The following PHF12 variants were observed in gnomAD, a reference collection of about 807,000 sequenced individuals.
PHF12 encodes the protein PHD finger protein 12.
PHF12 carries 6 observed loss-of-function variants against 99.8 expected under a neutral mutation model. The observed-to-expected ratio is 0.06, with a 90% CI of 0.03 to 0.12. The LOEUF is 0.12. Ranked by LOEUF, PHF12 falls within the 10% of genes least tolerant of loss-of-function variation. PHF12 has a pLI of 1.00. For missense variants in PHF12, 954 were observed against 1,300.1 expected, an observed-to-expected ratio of 0.73 and a Z score of 4.09; for synonymous variants, 480 against 514.9, an observed-to-expected ratio of 0.93 and a Z score of 0.92.
chr17:28,934,550 T>G (rs1237114879), intron 2 of PHF12, among the ~76,000 whole-genome samples: 4 of 152,134 alleles, frequency 2.6e-5, no homozygotes, highest in Non-Finnish European at 5.9e-5. Flanking sequence ...AATGAATGTT[T>G]AAGTCTGTCT....
rs1417958651 is a variant in PHF12 at position 28,949,996 on chromosome 17, G to A, written c.248+69C>T. On this transcript the variant is annotated intron_variant, in intron 2 of 14. Transcript: ENST00000332830. This position sits in a 1 kb window ranked among gnomAD's most constrained non-coding sequence, Gnocchi z 4.6. Reference sequence around the variant, plus strand: ...GCGCCCGTTATTTCGGCAGTCAGGGGCAGGCCGGGTGAAGGAATGCGCAGA... The same window carrying A: ...GCGCCCGTTATTTCGGCAGTCAGGGACAGGCCGGGTGAAGGAATGCGCAGA... 4 of 1,455,154 alleles carry A rather than the reference G, an allele frequency of 2.7e-6. No individual in the cohort carries two copies. The highest frequency in any genetic ancestry group is 2.3e-5 in the Admixed American group (1 of 43,036). 90.1% of individuals were successfully genotyped at this position (1,455,154 alleles called of 1,614,324 possible). A position where few individuals can be genotyped will look rare whatever the true frequency, so the allele number is the denominator to read the frequency against.
intron 4 of PHF12, among the ~76,000 whole-genome samples, chr17:28,923,046 CA>C (rs571734249): frequency 0.02 from 2,624 of 129,232 alleles, 60 homozygotes; most frequent in African/African-American, 0.069. Flanking sequence ...GCCTCTGTCT[CA>C]AAAAAAAAAA....
At chr17:28,933,786 A>T (rs953066932) in intron 2 of PHF12, among the ~76,000 whole-genome samples, 12 of 152,128 alleles carry the variant, frequency 7.9e-5, no homozygotes, top group African/African-American at 2.7e-4. Context: ...TGTAGCTCAT[A>T]TCTGTAATCC....
chr17:28,919,691 A>C (rs940260317), intron 5 of PHF12, among the ~76,000 whole-genome samples: 3 of 152,216 alleles, frequency 2.0e-5, no homozygotes, highest in African/African-American at 7.2e-5. Context: ...CAGTGAGCCA[A>C]GATGGCGCCA....
chr17:28,921,050 G>A (rs187118224), intron 5 of PHF12, among the ~76,000 whole-genome samples: 3 of 150,660 alleles, frequency 2.0e-5, no homozygotes, highest in Admixed American at 2.0e-4. Context: ...ATTTTTTTTT[G>A]TTTGTTTGAA....
chr17:28,907,462 A>G, intron 13 of PHF12, 128 bp downstream of exon 13: 1 of 842,316 alleles, frequency 1.2e-6, no homozygotes. Flanking sequence ...CAGGAATGAC[A>G]GGGAGGGAAG....
intron 9 of PHF12, 132 bp downstream of exon 9, chr17:28,912,350 G>A (rs2039974529): frequency 1.4e-6 from 2 of 1,410,248 alleles, no homozygotes; most frequent in Non-Finnish European, 1.8e-6. Context: ...TTACGGAAAT[G>A]AGAGTAAGAC....
At chr17:28,907,729 T>C (rs2039893992) in intron 12 of PHF12, 57 bp from the exon 13 acceptor site, 1 of 1,540,916 alleles carries the variant, frequency 6.5e-7, no homozygotes, top group South Asian at 1.1e-5. Flanking sequence ...GTAAGGTGCA[T>C]GTGTCGGGGA....
In PHF12 at chr17:28,951,087, C is replaced by G. The variant is rs2040803330; in HGVS notation, c.-127G>C. ...TTTTCCCAATACGGGTCCCGACTTC[C>G]TCGCCCTGGCTCCCCCCCACCCCCC... On this transcript the variant is annotated 5_prime_UTR_variant, in exon 1 of 15. Coordinates refer to ENST00000332830, the MANE Select transcript of PHF12 (RefSeq NM_001033561.2). 1.4e-6 allele frequency: 2 copies of G among 1,480,308 alleles called. No homozygotes were observed. The highest frequency in any genetic ancestry group is 1.4e-5 in the African/African-American group (1 of 71,572). 91.7% of individuals were successfully genotyped at this position (1,480,308 alleles called of 1,614,324 possible).
At chr17:28,929,029 G>A (rs892982256) in intron 2 of PHF12, among the ~76,000 whole-genome samples, 6 of 151,672 alleles carry the variant, frequency 4.0e-5, no homozygotes, top group African/African-American at 1.5e-4. Context: ...CTGGGAAGTG[G>A]AGGTTGCAGT....
At chr17:28,924,979 A>C (rs1324264620) in intron 3 of PHF12, 1 of 153,240 alleles carries the variant, frequency 6.5e-6, no homozygotes, top group African/African-American at 2.4e-5. Context: ...AATCAGTGAG[A>C]TCACTATAGA....
chr17:28,910,313 T>G lies in PHF12; in HGVS notation c.2272A>C (p.Ile758Leu), dbSNP rs1246368462. 6 of 1,614,182 alleles carry G rather than the reference T, an allele frequency of 3.7e-6. No individual in the cohort carries two copies. Among genetic ancestry groups the G allele is most frequent in the Non-Finnish European group, 5.1e-6 (6 of 1,180,034 alleles). Residue 758 changes from isoleucine to leucine, a missense_variant, in exon 11 of 15, where the codon ATA becomes CTA. Physicochemically the swap from Ile to Leu is conservative, Grantham distance 5 (BLOSUM62 2). This residue lies in a region of PHF12 where 143 missense variants were observed against 191.8 expected (regional missense o/e 0.75). Coordinates refer to ENST00000332830, the MANE Select transcript of PHF12 (RefSeq NM_001033561.2). ...KLIKFLALQR[I>L]HQLFPSRVQP... Reference sequence around the variant, plus strand: ...ACCCGGGAGGGGAAAAGCTGATGTATTCTCTGCAAGGCCAGAAACTTGATC... The same window carrying G: ...ACCCGGGAGGGGAAAAGCTGATGTAGTCTCTGCAAGGCCAGAAACTTGATC...
chr17:28,909,975 C>A, intron 11 of PHF12: 1 of 651,282 alleles, frequency 1.5e-6, no homozygotes. Flanking sequence ...AGCTGCTTTG[C>A]TGTGTCTCGA....
chr17:28,948,407 T>C (rs1187294390), intron 2 of PHF12, among the ~76,000 whole-genome samples: 1 of 152,242 alleles, frequency 6.6e-6, no homozygotes, highest in Non-Finnish European at 1.5e-5. Flanking sequence ...CCAGGTGGAT[T>C]ACACCTTATA....
chr17:28,907,350 T>G, intron 13 of PHF12: 1 of 549,348 alleles, frequency 1.8e-6, no homozygotes, highest in Non-Finnish European at 3.3e-6. Context: ...AGGCTCCCTC[T>G]GTTGTGCCTG....
chr17:28,915,717 CT>C (rs2040050029), intron 7 of PHF12, among the ~76,000 whole-genome samples: 1 of 152,202 alleles, frequency 6.6e-6, no homozygotes, highest in Non-Finnish European at 1.5e-5. Flanking sequence ...CAGATTTTTC[CT>C]GAATTGCTAG....
chr17:28,942,836 AAAATAAAT>A (rs966825755), intron 2 of PHF12, among the ~76,000 whole-genome samples: 1 of 151,874 alleles, frequency 6.6e-6, no homozygotes, highest in African/African-American at 2.4e-5. Flanking sequence ...TAAGTAAAAT[AAAATAAAT>A]AAATAAATAA....
At chr17:28,919,357 TCCTTGATCCTAACATTCTCCC>T in intron 5 of PHF12, 82 bp from the exon 6 acceptor site, 8 of 6,170 alleles carry the variant, frequency 1.3e-3, no homozygotes, top group Non-Finnish European at 2.6e-3. Context: ...CAGCCTCCCC[TCCTTGATCCTAACATTCTCCC>T]CTCCTTGATC....
rs1312516384 is a variant in PHF12 at position 28,950,221 on chromosome 17, G to C, written c.92C>G (p.Pro31Arg). The change falls in exon 2 of 15, where the codon CCC becomes CGC. Residue 31 changes from proline to arginine, a missense_variant. Physicochemically the swap from Pro to Arg is moderately radical, Grantham distance 103 (BLOSUM62 -2). Transcript: ENST00000332830. This position sits in a 1 kb window ranked among gnomAD's most constrained non-coding sequence, Gnocchi z 5.7. The stretch of plus-strand genomic sequence containing the variant: ...GCGCTTTTCTGCCTCGTCCGTCTTG[G>C]GGGGAGCCAGCAGAGCTTGGATTTG... ...MEQIQALLAP[P>R]KTDEAEKRSR... is the part of the protein sequence containing the mutation. 8.7e-6 allele frequency: 14 copies of C among 1,611,308 alleles called. No homozygotes were observed. Among genetic ancestry groups the C allele is most frequent in the Admixed American group, 3.3e-5 (2 of 60,000 alleles).
Sources: allele counts gnomAD v4.1 joint callset (sites outside exome capture counted in the v4.1 genomes callset), GRCh38; gene constraint gnomAD v4.1.1; regional missense constraint gnomAD v4.1.1; non-coding constraint Gnocchi (gnomAD v3.1); transcripts MANE v1.5; gene names NCBI Gene and HGNC (gene_info 2026-07-23, HGNC 2026-07-21).